The following TMEM74 variants were observed in gnomAD, a reference collection of about 807,000 sequenced individuals.
TMEM74 encodes the protein transmembrane protein 74.
In TMEM74, 13 loss-of-function variants were observed where a neutral mutation model predicts 18.1. The ratio of observed to expected loss-of-function variants is 0.72; its 90% confidence interval spans 0.47 to 1.14. The LOEUF (loss-of-function observed/expected upper bound fraction) is 1.14. TMEM74 is among the 50% of genes most tolerant of loss of function. TMEM74 has a pLI of 0.00. For synonymous variants in TMEM74, 159 were observed against 146.6 expected (o/e 1.08, Z -0.61); for missense variants, 372 against 375.9 (o/e 0.99, Z 0.09).
chr8:108,687,193 A>G (rs964861190), intron 1 of TMEM74, among the ~76,000 whole-genome samples: 1 of 152,174 alleles, frequency 6.6e-6, no homozygotes, highest in Admixed American at 6.5e-5. Context: ...ATTAAAGAAA[A>G]GTGCAAGAGA....
intron 1 of TMEM74, among the ~76,000 whole-genome samples, chr8:108,745,210 C>G (rs750488937): frequency 1.3e-5 from 2 of 152,048 alleles, no homozygotes; most frequent in African/African-American, 2.4e-5. Context: ...CTGTGCAGAT[C>G]AAACAGTGGT....
chr8:108,777,614 C>G (rs879851832), downstream of TMEM74, among the ~76,000 whole-genome samples: 14 of 152,122 alleles, frequency 9.2e-5, no homozygotes, highest in Admixed American at 8.5e-4. Flanking sequence ...CAAAATAAAA[C>G]AGCCAGTATA....
At chr8:108,681,104 T>C (rs1255372570) in intron 1 of TMEM74, among the ~76,000 whole-genome samples, 1 of 152,312 alleles carries the variant, frequency 6.6e-6, no homozygotes, top group Non-Finnish European at 1.5e-5. Flanking sequence ...AGGTAATTTC[T>C]AGATTCAATG....
intron 2 of TMEM74, among the ~76,000 whole-genome samples, chr8:108,626,387 A>G (rs1318643744): frequency 6.6e-6 from 1 of 152,056 alleles, no homozygotes; most frequent in Non-Finnish European, 1.5e-5. Flanking sequence ...GTTGGCTTAC[A>G]TATGTAACAA....
chr8:108,724,298 A>G (rs1813612717), intron 1 of TMEM74, among the ~76,000 whole-genome samples: 1 of 152,150 alleles, frequency 6.6e-6, no homozygotes, highest in Admixed American at 6.5e-5. Flanking sequence ...GCTTGTCTTC[A>G]TGACTGAACT....
At chr8:108,785,536 C>T (rs992769504) in intron 1 of TMEM74, among the ~76,000 whole-genome samples, 2 of 152,124 alleles carry the variant, frequency 1.3e-5, no homozygotes, top group Non-Finnish European at 2.9e-5. Context: ...AGCAGAGCTG[C>T]CGATTTTCTG....
At chr8:108,682,255 G>C (rs1049453576) in intron 1 of TMEM74, among the ~76,000 whole-genome samples, 5 of 151,852 alleles carry the variant, frequency 3.3e-5, no homozygotes, top group Admixed American at 2.6e-4. Flanking sequence ...CTCATCTCCA[G>C]GCTTTTGCAT....
downstream of TMEM74, among the ~76,000 whole-genome samples, chr8:108,777,835 A>C (rs1394970376): frequency 6.6e-6 from 1 of 152,220 alleles, no homozygotes; most frequent in Non-Finnish European, 1.5e-5. Context: ...GGTGAGGTAT[A>C]AATTAAATAA....
intron 1 of TMEM74, among the ~76,000 whole-genome samples, chr8:108,657,900 A>G (rs1231672333): frequency 6.5e-5 from 8 of 123,518 alleles, no homozygotes; most frequent in African/African-American, 2.2e-4. Context: ...ATATATATAT[A>G]TATTAATTAC....
intron 1 of TMEM74, among the ~76,000 whole-genome samples, chr8:108,746,372 C>T (rs949107739): frequency 1.3e-5 from 2 of 151,988 alleles, no homozygotes; most frequent in Non-Finnish European, 2.9e-5. Flanking sequence ...CCTTTTATAT[C>T]TTGTATGTGC....
intron 1 of TMEM74, among the ~76,000 whole-genome samples, chr8:108,685,385 C>T (rs1351982804): frequency 2.6e-5 from 4 of 152,058 alleles, no homozygotes; most frequent in African/African-American, 9.7e-5. Context: ...CATCTGCAAA[C>T]AGGAATAATT....
intron 2 of TMEM74, among the ~76,000 whole-genome samples, chr8:108,621,486 A>G (rs1563734052): frequency 6.6e-6 from 1 of 152,084 alleles, no homozygotes; most frequent in African/African-American, 2.4e-5. Context: ...GAAGTTGCCC[A>G]TTTTTTTGTG....
intron 1 of TMEM74, among the ~76,000 whole-genome samples, chr8:108,742,030 G>A (rs780777750): frequency 6.6e-6 from 1 of 152,106 alleles, no homozygotes; most frequent in African/African-American, 2.4e-5. Context: ...ATTATCCTTA[G>A]CAAACTAATG....
intron 1 of TMEM74, among the ~76,000 whole-genome samples, chr8:108,675,493 A>G (rs1813047890): frequency 6.6e-6 from 1 of 152,184 alleles, no homozygotes; most frequent in South Asian, 2.1e-4. Flanking sequence ...TCCATCGAAT[A>G]AACAATTTAA....
intron 1 of TMEM74, among the ~76,000 whole-genome samples, chr8:108,658,992 C>T (rs182658260): frequency 8.5e-5 from 13 of 152,182 alleles, no homozygotes; most frequent in African/African-American, 2.6e-4. Flanking sequence ...ACTTTTACCA[C>T]GGCTTCCACC....
chr8:108,784,939 C>T lies in TMEM74; in HGVS notation c.160G>A (p.Glu54Lys), dbSNP rs761506953. The T allele has an allele frequency of 1.9e-6, 3 of 1,613,994 alleles. No homozygotes were observed. Among genetic ancestry groups the T allele is most frequent in the Admixed American group, 1.7e-5 (1 of 59,996 alleles). ...KQCASTPRAT[E>K]MEGSKLSSSP... The stretch of plus-strand genomic sequence containing the variant: ...GAACTAAGTTTAGACCCTTCCATCT[C>T]GGTTGCTCTTGGGGTGGATGCACAC... The change falls in exon 2 of 2, where the codon GAG (glutamate) becomes AAG (lysine). Residue 54 changes from glutamate (E) to lysine (K), a missense_variant. Physicochemically the swap from Glu to Lys is moderately conservative, Grantham distance 56. Transcript: ENST00000297459.
chr8:108,716,392 G>A (rs917914036), intron 1 of TMEM74, among the ~76,000 whole-genome samples: 1 of 151,926 alleles, frequency 6.6e-6, no homozygotes, highest in Non-Finnish European at 1.5e-5. Flanking sequence ...CTACAAAAGA[G>A]GTAACCTGTT....
chr8:108,615,831 T>C (rs1812377403), intron 2 of TMEM74, among the ~76,000 whole-genome samples: 1 of 145,388 alleles, frequency 6.9e-6, no homozygotes, highest in Non-Finnish European at 1.5e-5. Flanking sequence ...TTTTTTTTTT[T>C]TTTTTTTTTT....
intron 1 of TMEM74, among the ~76,000 whole-genome samples, chr8:108,760,216 G>C (rs1814027861): frequency 6.6e-6 from 1 of 151,636 alleles, no homozygotes; most frequent in East Asian, 1.9e-4. Context: ...CTTCCACTAT[G>C]ACATTCAGAG....
Sources: allele counts gnomAD v4.1 joint callset (sites outside exome capture counted in the v4.1 genomes callset), GRCh38; gene constraint gnomAD v4.1.1; transcripts MANE v1.5; gene names NCBI Gene and HGNC (gene_info 2026-07-23, HGNC 2026-07-21).